Variants in TAF6L observed in about 807,000 individuals in gnomAD.
The protein encoded by TAF6L is TATA-box binding protein associated factor 6 like.
TAF6L carries 34 observed loss-of-function variants against 57.3 expected under a neutral mutation model. The ratio of observed to expected loss-of-function variants is 0.59; its 90% confidence interval spans 0.45 to 0.79. TAF6L has a LOEUF of 0.79. Among genes scored for constraint, TAF6L ranks in the 30% least tolerant of loss-of-function variants. TAF6L has a pLI of 0.00. For synonymous variants in TAF6L, 417 were observed against 376.3 expected, an observed-to-expected ratio of 1.11 and a Z score of -1.25; for missense variants, 782 against 853.2, an observed-to-expected ratio of 0.92 and a Z score of 1.04.
chr11:62,782,020 C>T lies in TAF6L; in HGVS notation c.606+52C>T, dbSNP rs778712506. 1.3e-5 allele frequency: 21 copies of T among 1,606,460 alleles called. No homozygotes were observed. In the Admixed American group the frequency reaches 3.0e-4, roughly 23 times the overall value. On this transcript the variant is annotated intron_variant, in intron 7 of 10. Coordinates refer to ENST00000294168, the MANE Select transcript of TAF6L (RefSeq NM_006473.4). ...AATGTTTTATAAGGAAGAGATGACC[C>T]AGCAGGTGTAGGGCTCATGGCAAGT...
At position 62,787,268 on chromosome 11, in the gene TAF6L, C is replaced by CG; in HGVS notation, c.1843dup (p.Asp615GlyfsTer18). The CG allele has an allele frequency of 6.4e-7, 1 of 1,561,598 alleles. No homozygotes were observed. The highest frequency in any genetic ancestry group is 8.6e-7 in the Non-Finnish European group (1 of 1,162,310). On this transcript the variant is annotated frameshift_variant, in exon 11 of 11. Transcript: ENST00000294168. LOFTEE classifies it high-confidence loss of function. ...CGCCCCGCCCGCCGGTGGGCGCTCT[C>CG]GGACTACTCGCTGTACTTGCCGCTC...
chr11:62,784,481 T>C (rs1316885843), intron 9 of TAF6L, among the ~76,000 whole-genome samples: 2 of 151,208 alleles, frequency 1.3e-5, no homozygotes, highest in Non-Finnish European at 2.9e-5. Flanking sequence ...TAATTTTTTG[T>C]ATTTTTAGTA....
rs550240118 is a variant in TAF6L, at chr11:62,775,893, C to T, written c.110C>T (p.Ala37Val). The T allele has an allele frequency of 1.2e-6, 2 of 1,613,886 alleles. No individual in the cohort carries two copies. The highest frequency in any genetic ancestry group is 2.2e-5 in the East Asian group (1 of 44,878). ...ELSDEVAALLAEDVCYRLREA... is the reference protein window; with the variant it reads ...ELSDEVAALLVEDVCYRLREA... ...AGCGATGAGGTGGCGGCGCTGCTCG[C>T]AGAGGACGTGTGCTATCGTCTGAGA... The change falls in exon 2 of 11, where the codon GCA (alanine) becomes GTA (valine). Residue 37 changes from alanine to valine, a missense_variant. Physicochemically the swap from Ala to Val is moderately conservative, Grantham distance 64. Around this residue, in one of 3 missense-constraint regions of TAF6L, gnomAD observed 220 missense variants for 252.1 expected, o/e 0.87. Coordinates refer to ENST00000294168, the MANE Select transcript of TAF6L (RefSeq NM_006473.4).
In TAF6L at chr11:62,775,930, G is replaced by A; in HGVS notation, c.147G>A (p.Gln49=). 6.2e-7 allele frequency: 1 copy of A among 1,604,776 alleles called. No homozygotes were observed. The highest frequency in any genetic ancestry group is 1.3e-5 in the African/African-American group (1 of 74,790). ...DVCYRLREAT[Q]NSSQFMKHTK... ...GCTATCGTCTGAGAGAGGCCACGCAGGTACACTCCCCTCACCCCCTGATAC... is the reference window on the plus strand; with the variant it reads ...GCTATCGTCTGAGAGAGGCCACGCAAGTACACTCCCCTCACCCCCTGATAC... The change falls in exon 2 of 11, where the codon CAG becomes CAA. Residue 49 remains glutamine (Q), a splice_region_variant and synonymous_variant. Coordinates refer to ENST00000294168, the MANE Select transcript of TAF6L (RefSeq NM_006473.4).
chr11:62,781,662 C>CAAAAAAA (rs58932683), intron 6 of TAF6L: 19 of 315,130 alleles, frequency 6.0e-5, no homozygotes, highest in East Asian at 2.6e-4. Flanking sequence ...GACTCGGTCT[C>CAAAAAAA]AAAAAAAAAA....
chr11:62,784,776 T>C (rs1458814536), intron 9 of TAF6L, among the ~76,000 whole-genome samples: 2 of 152,194 alleles, frequency 1.3e-5, no homozygotes, highest in Admixed American at 6.5e-5. Flanking sequence ...TGTCATGGGA[T>C]AGTCGTAAAG....
Position 62,782,737 on chromosome 11 carries a change from TATCCCTGCA to T in TAF6L, c.873_881del (p.Ser292_Gln294del), listed in dbSNP as rs773149919. 1 of 1,612,698 alleles carries T rather than the reference TATCCCTGCA, an allele frequency of 6.2e-7. No individual in the cohort carries two copies. Among genetic ancestry groups the T allele is most frequent in the Non-Finnish European group, 8.5e-7 (1 of 1,180,032 alleles). Reference sequence around the variant, plus strand: ...AGTGGCCTCTATCAGCATATCCTGCTATCCCTGCAGAAGATCCTGGCAGATCCTGTGCGG... The same window carrying T: ...AGTGGCCTCTATCAGCATATCCTGCTGAAGATCCTGGCAGATCCTGTGCGG... On this transcript the variant is annotated inframe_deletion, in exon 9 of 11. Coordinates refer to ENST00000294168, the MANE Select transcript of TAF6L (RefSeq NM_006473.4).
intron 6 of TAF6L, among the ~76,000 whole-genome samples, chr11:62,779,976 A>ATATTTTTTTTTT (rs1294367864): frequency 1.9e-5 from 1 of 52,632 alleles, no homozygotes; most frequent in Non-Finnish European, 3.6e-5. Context: ...ATATATATAT[A>ATATTTTTTTTTT]TTTTTTTTTT....
At chr11:62,786,443 A>C (rs1240494678) in intron 10 of TAF6L, 55 bp downstream of exon 10, 14 of 1,598,208 alleles carry the variant, frequency 8.8e-6, no homozygotes, top group Non-Finnish European at 1.1e-5. Context: ...GCAGCCAAGC[A>C]GGCTTACTTT....
chr11:62,781,841 C>A, intron 6 of TAF6L, 53 bp from the exon 7 acceptor site: 1 of 1,472,032 alleles, frequency 6.8e-7, no homozygotes, highest in Non-Finnish European at 9.5e-7. Flanking sequence ...ATACCGCATT[C>A]ATGTTTTACA....
Position 62,787,063 on chromosome 11 carries a change from G to A in TAF6L, c.1636G>A (p.Val546Ile), listed in dbSNP as rs773977995. 78 of 1,525,994 alleles carry A rather than the reference G, an allele frequency of 5.1e-5. No individual in the cohort carries two copies. Among genetic ancestry groups the A allele is most frequent in the Non-Finnish European group, 6.3e-5 (72 of 1,143,766 alleles). 94.5% of individuals were successfully genotyped at this position (1,525,994 alleles called of 1,614,324 possible). ...QQGPGTGTRD[V>I]FQKSRFAPRG... Reference sequence around the variant, plus strand: ...GGGCCCCGGGACCGGCACCCGCGACGTTTTCCAGAAGAGCCGTTTCGCCCC... The same window carrying A: ...GGGCCCCGGGACCGGCACCCGCGACATTTTCCAGAAGAGCCGTTTCGCCCC... The change falls in exon 11 of 11, where the codon GTT becomes ATT. Residue 546 changes from valine (V) to isoleucine (I), a missense_variant. By Grantham distance (29) the Val-to-Ile change is conservative. This residue lies in a region of TAF6L where 483 missense variants were observed against 445.1 expected (regional missense o/e 1.09). Transcript: ENST00000294168.
chr11:62,776,023 G>A (rs2084185912), intron 2 of TAF6L, 93 bp downstream of exon 2: 5 of 1,436,370 alleles, frequency 3.5e-6, no homozygotes, highest in African/African-American at 2.8e-5. Context: ...AGTGTACACT[G>A]GGTGCCTGCT....
At chr11:62,783,784 C>T (rs1590937523) in intron 9 of TAF6L, among the ~76,000 whole-genome samples, 4 of 151,706 alleles carry the variant, frequency 2.6e-5, no homozygotes, top group South Asian at 2.1e-4. Flanking sequence ...CTGCCTGCCT[C>T]GGCTTCCCAT....
rs989447528 is a variant in TAF6L at position 62,786,785 on chromosome 11, C to T, written c.1358C>T (p.Ala453Val). The T allele has an allele frequency of 1.1e-5, 17 of 1,611,666 alleles. No homozygotes were observed. Among genetic ancestry groups the T allele is most frequent in the Admixed American group, 5.0e-5 (3 of 59,998 alleles). Residue 453 changes from alanine (A) to valine (V), a missense_variant, in exon 11 of 11, where the codon GCC becomes GTC. Around this residue, in one of 3 missense-constraint regions of TAF6L, gnomAD observed 483 missense variants for 445.1 expected, o/e 1.09. Coordinates refer to ENST00000294168, the MANE Select transcript of TAF6L (RefSeq NM_006473.4). ...ELYAFFGDSL[A>V]TRFGTGQPAP... is the part of the protein sequence containing the mutation. ...TACGCCTTCTTCGGTGACAGCTTGG[C>T]CACACGCTTTGGCACCGGCCAGCCT... is the stretch of plus-strand genomic sequence containing the variant.
chr11:62,786,623 G>A lies in TAF6L; in HGVS notation c.1196G>A (p.Ser399Asn). The part of the protein sequence containing the change: ...CRRLDDLPWD[S>N]LLFQESSSGG... ...CGCCTGGACGACCTGCCATGGGACA[G>A]CCTTCTCTTTCAAGAGTCGTCCTCC... The change falls in exon 11 of 11, where the codon AGC (serine) becomes AAC (asparagine). Residue 399 changes from serine (S) to asparagine (N), a missense_variant. By Grantham distance (46) the Ser-to-Asn change is conservative. This residue lies in a region of TAF6L where 483 missense variants were observed against 445.1 expected (regional missense o/e 1.09). Coordinates refer to ENST00000294168, the MANE Select transcript of TAF6L (RefSeq NM_006473.4). The A allele has an allele frequency of 6.2e-7, 1 of 1,601,122 alleles. No homozygotes were observed. The highest frequency in any genetic ancestry group is 8.5e-7 in the Non-Finnish European group (1 of 1,173,372).
intron 6 of TAF6L, among the ~76,000 whole-genome samples, chr11:62,780,715 A>C (rs919223525): frequency 3.3e-5 from 5 of 151,636 alleles, no homozygotes; most frequent in African/African-American, 1.2e-4. Context: ...GGATCATGTG[A>C]GGCCGGGAGT....
chr11:62,774,995 C>T (rs1446051545), intron 1 of TAF6L, among the ~76,000 whole-genome samples: 3 of 144,410 alleles, frequency 2.1e-5, no homozygotes, highest in South Asian at 2.4e-4. Flanking sequence ...ACCCGGGAGG[C>T]GGAGGTTGCA....
intron 9 of TAF6L, among the ~76,000 whole-genome samples, chr11:62,785,436 C>T (rs1258416962): frequency 6.6e-6 from 1 of 150,848 alleles, no homozygotes; most frequent in Admixed American, 6.6e-5. Context: ...TCCTGATCCG[C>T]CTGCCTTGGC....
At chr11:62,773,337 G>A (rs1277230109) in intron 1 of TAF6L, among the ~76,000 whole-genome samples, 4 of 151,294 alleles carry the variant, frequency 2.6e-5, no homozygotes, top group Non-Finnish European at 5.9e-5. Context: ...TAGTAGAGAC[G>A]AGGTTTCACC....
Sources: gnomAD v4.1 joint callset for allele counts (sites outside exome capture counted in the v4.1 genomes callset) on GRCh38, gnomAD v4.1.1 for gene constraint, gnomAD v4.1.1 regional missense constraint, MANE v1.5 for transcripts, NCBI Gene and HGNC (gene_info 2026-07-23, HGNC 2026-07-21) for gene names.